CELF4: variants seen among roughly 807,000 people sequenced by gnomAD.
CELF4 encodes the protein CUGBP Elav-like family member 4.
Under a neutral mutation model 59.9 loss-of-function variants are expected in CELF4, and 18 were observed. That is an observed-to-expected ratio of 0.30 (90% CI 0.21 to 0.45). The LOEUF (loss-of-function observed/expected upper bound fraction) is 0.45. Ranked by LOEUF, CELF4 falls within the 20% of genes least tolerant of loss-of-function variation. The pLI is 1.00. For missense variants in CELF4, 456 were observed against 689.0 expected, an observed-to-expected ratio of 0.66 and a Z score of 3.79; for synonymous variants, 261 against 267.1, an observed-to-expected ratio of 0.98 and a Z score of 0.22.
chr18:37,501,566 C>T (rs1253181819), intron 1 of CELF4, among the ~76,000 whole-genome samples: 2 of 152,292 alleles, frequency 1.3e-5, no homozygotes, highest in East Asian at 1.9e-4. Context: ...GGGCCTGGGA[C>T]AGAGGGATAT....
chr18:37,516,717 C>G (rs1055085043), intron 1 of CELF4, among the ~76,000 whole-genome samples: 2 of 152,226 alleles, frequency 1.3e-5, no homozygotes, highest in Admixed American at 6.5e-5. Flanking sequence ...CCAGGCAGGT[C>G]TGGCTCCAAG....
At chr18:37,287,666 T>C (rs572946917) in intron 3 of CELF4, among the ~76,000 whole-genome samples, 1 of 152,324 alleles carries the variant, frequency 6.6e-6, no homozygotes, top group East Asian at 1.9e-4. Context: ...CCAGCCACCA[T>C]GGCCCTCCTG....
chr18:37,379,945 C>A (rs1189414462), intron 2 of CELF4, among the ~76,000 whole-genome samples: 12 of 152,132 alleles, frequency 7.9e-5, no homozygotes, highest in Admixed American at 7.9e-4. Flanking sequence ...GGTTCCTCAC[C>A]CTTAGACCCA....
At chr18:37,288,628 CT>C (rs2095048318) in intron 3 of CELF4, among the ~76,000 whole-genome samples, 1 of 152,190 alleles carries the variant, frequency 6.6e-6, no homozygotes, top group African/African-American at 2.4e-5. Flanking sequence ...AGGCATCCCC[CT>C]GCCCTGCTCA....
At chr18:37,388,985 G>A (rs2099128807) in intron 2 of CELF4, among the ~76,000 whole-genome samples, 1 of 152,156 alleles carries the variant, frequency 6.6e-6, no homozygotes, top group African/African-American at 2.4e-5. Context: ...AAGGCTCTCG[G>A]AGGCACCACC....
At position 37,386,104 on chromosome 18, in the gene CELF4, T is replaced by C. The variant is rs2099096548; in HGVS notation, c.370-64223A>G. Among the ~76,000 whole-genome samples the C allele has an allele frequency of 3.9e-5, 6 of 152,342 alleles. No homozygotes were observed. The South Asian group carries it at 1.0e-3, about 26-fold the overall frequency. On this transcript the variant is annotated intron_variant, in intron 2 of 12. Coordinates refer to ENST00000420428, the MANE Select transcript of CELF4 (RefSeq NM_020180.4). ...TACCTGGAGATGATGAATGAATGTATTGATTTTTCTCACTCTTCTGCCACC... is the reference window on the plus strand; with the variant it reads ...TACCTGGAGATGATGAATGAATGTACTGATTTTTCTCACTCTTCTGCCACC...
In CELF4 at chr18:37,353,232, AAAT is replaced by A. The variant is rs1483178165; in HGVS notation, c.370-31354_370-31352del. On this transcript the variant is annotated intron_variant, in intron 2 of 12. Transcript: ENST00000420428. ...TGAGACTCCGTCTCAAAAAAAAAAA[AAAT>A]ATATATATATATATACATAAAAGAC... is the stretch of plus-strand genomic sequence containing the variant. Among the ~76,000 whole-genome samples the A allele has an allele frequency of 4.7e-5, 5 of 107,446 alleles. No individual in the cohort carries two copies. In the South Asian group the frequency reaches 9.2e-4, roughly 20 times the overall value. 70.5% of individuals were successfully genotyped at this position (107,446 alleles called of 152,430 possible).
chr18:37,371,648 G>A (rs1481199265), intron 2 of CELF4, among the ~76,000 whole-genome samples: 2 of 152,232 alleles, frequency 1.3e-5, no homozygotes, highest in Non-Finnish European at 2.9e-5. Flanking sequence ...GGAGAGAAGA[G>A]GCATGGTCTT....
At chr18:37,369,426 G>C (rs1378622405) in intron 2 of CELF4, among the ~76,000 whole-genome samples, 1 of 152,142 alleles carries the variant, frequency 6.6e-6, no homozygotes, top group Non-Finnish European at 1.5e-5. Flanking sequence ...GGGACCAAAT[G>C]TCACCTTTGC....
At chr18:37,405,057 G>A (rs760185753) in intron 2 of CELF4, among the ~76,000 whole-genome samples, 3 of 152,216 alleles carry the variant, frequency 2.0e-5, no homozygotes, top group Non-Finnish European at 2.9e-5. Context: ...TCTCTGCTCT[G>A]AGCTGGCTGG....
intron 3 of CELF4, among the ~76,000 whole-genome samples, chr18:37,301,211 T>A (rs949189640): frequency 4.6e-5 from 7 of 151,818 alleles, no homozygotes; most frequent in African/African-American, 1.7e-4. Context: ...ATGTGGGAGG[T>A]GAGGGCTGGA....
chr18:37,345,264 G>T (rs763371364), intron 2 of CELF4, among the ~76,000 whole-genome samples: 1 of 152,210 alleles, frequency 6.6e-6, no homozygotes, highest in African/African-American at 2.4e-5. Flanking sequence ...AAGCAAGAAG[G>T]TTCCCTTCAC....
intron 2 of CELF4, among the ~76,000 whole-genome samples, chr18:37,457,655 C>T (rs568973431): frequency 1.9e-4 from 29 of 152,222 alleles, no homozygotes; most frequent in East Asian, 7.8e-4. Flanking sequence ...CCTTACATCC[C>T]GCAGCCCGAA....
At chr18:37,272,140 G>A (rs1322799883) in intron 7 of CELF4, among the ~76,000 whole-genome samples, 1 of 152,182 alleles carries the variant, frequency 6.6e-6, no homozygotes, top group African/African-American at 2.4e-5. Context: ...GGCACAGAGA[G>A]CCAAGGAAGC....
At chr18:37,415,326 G>C (rs1031978611) in intron 2 of CELF4, among the ~76,000 whole-genome samples, 3 of 152,216 alleles carry the variant, frequency 2.0e-5, no homozygotes, top group Admixed American at 6.5e-5. Flanking sequence ...ATCCAGCCTA[G>C]CTATCTATTA....
chr18:37,338,657 A>C (rs901979156), intron 2 of CELF4, among the ~76,000 whole-genome samples: 9 of 152,136 alleles, frequency 5.9e-5, no homozygotes, highest in African/African-American at 2.2e-4. Context: ...TGGGAACAGC[A>C]TGACTAGCTC....
chr18:37,252,159 A>T (rs945806075), intron 12 of CELF4, among the ~76,000 whole-genome samples: 1 of 152,142 alleles, frequency 6.6e-6, no homozygotes, highest in Non-Finnish European at 1.5e-5. Flanking sequence ...CCTCCCTCCC[A>T]AACTCTGGAC....
chr18:37,506,257 CA>C (rs2099937857), intron 1 of CELF4, among the ~76,000 whole-genome samples: 1 of 152,184 alleles, frequency 6.6e-6, no homozygotes, highest in Non-Finnish European at 1.5e-5. Flanking sequence ...AAATAATTAG[CA>C]GTGGCAAAAA....
intron 2 of CELF4, among the ~76,000 whole-genome samples, chr18:37,442,053 T>C (rs1395599861): frequency 6.6e-6 from 1 of 152,032 alleles, no homozygotes. Flanking sequence ...ACCTGGGGCA[T>C]TTCCTTTATT....
Sources: allele counts gnomAD v4.1 joint callset (sites outside exome capture counted in the v4.1 genomes callset), GRCh38; gene constraint gnomAD v4.1.1; transcripts MANE v1.5; gene names NCBI Gene and HGNC (gene_info 2026-07-23, HGNC 2026-07-21).